Variants in EPHA6 observed in about 807,000 individuals in gnomAD.
EPHA6 encodes the protein ephrin type-A receptor 6.
Under a neutral mutation model 112.0 loss-of-function variants are expected in EPHA6, and 50 were observed. The ratio of observed to expected loss-of-function variants is 0.45; its 90% CI spans 0.36 to 0.56. EPHA6 has a LOEUF of 0.56. EPHA6 is among the 20% of genes least tolerant of loss of function. The probability of loss-of-function intolerance (pLI) is 0.00; values close to 1 mark genes in which losing one functional copy is unlikely to be tolerated. For missense variants in EPHA6, 1,280 were observed against 1,417.4 expected (o/e 0.90, Z 1.56); for synonymous variants, 529 against 490.7 (o/e 1.08, Z -1.03).
At chr3:97,538,727 A>C (rs2092796663) in intron 11 of EPHA6, among the ~76,000 whole-genome samples, 1 of 152,222 alleles carries the variant, frequency 6.6e-6, no homozygotes, top group Non-Finnish European at 1.5e-5. Context: ...AAACCAACTT[A>C]GATGGATTGA....
At chr3:97,412,325 A>G (rs542461088) in intron 6 of EPHA6, among the ~76,000 whole-genome samples, 1 of 152,116 alleles carries the variant, frequency 6.6e-6, no homozygotes, top group South Asian at 2.1e-4. Context: ...AAATTGCTAT[A>G]TTTCAGTCAG....
Position 97,755,967 on chromosome 3 carries a change from C to T in EPHA6, c.*7266C>T, listed in dbSNP as rs2036015601. 6.6e-6 allele frequency among the ~76,000 whole-genome samples: 1 copy of T among 152,038 alleles called. No individual in the cohort carries two copies. Among genetic ancestry groups the T allele is most frequent in the African/African-American group, 2.4e-5 (1 of 41,446 alleles). ...TTCCACTGCTTTTATAATTAAAAAT[C>T]TCTTTCCTACCTTTAGTAATTTGTA... On this transcript the variant is annotated 3_prime_UTR_variant, in exon 18 of 18. Transcript: ENST00000389672.
chr3:97,321,458 G>T (rs1302051252), intron 5 of EPHA6, among the ~76,000 whole-genome samples: 1 of 151,892 alleles, frequency 6.6e-6, no homozygotes, highest in East Asian at 1.9e-4. Context: ...GATATTTTCA[G>T]AAATCAATAT....
intron 5 of EPHA6, among the ~76,000 whole-genome samples, chr3:97,387,981 C>T (rs1014256982): frequency 6.6e-6 from 1 of 152,104 alleles, no homozygotes; most frequent in Non-Finnish European, 1.5e-5. Flanking sequence ...GGGGGAAGTG[C>T]TATACACTGT....
intron 3 of EPHA6, among the ~76,000 whole-genome samples, chr3:97,038,943 G>A (rs571223402): frequency 6.6e-6 from 1 of 152,160 alleles, no homozygotes; most frequent in East Asian, 1.9e-4. Flanking sequence ...TTGACTCTCA[G>A]ATATTTCTGG....
chr3:96,927,591 G>A (rs898454975), intron 2 of EPHA6, among the ~76,000 whole-genome samples: 3 of 152,162 alleles, frequency 2.0e-5, no homozygotes, highest in Non-Finnish European at 4.4e-5. Flanking sequence ...CATAGTAAGA[G>A]TGACCTTTGC....
chr3:97,543,410 T>C (rs1032832393), intron 11 of EPHA6, among the ~76,000 whole-genome samples: 6 of 152,204 alleles, frequency 3.9e-5, no homozygotes, highest in South Asian at 2.1e-4. Context: ...GCTGTAGATA[T>C]GCAGCATTAT....
At chr3:97,521,244 G>T (rs2092538182) in intron 10 of EPHA6, among the ~76,000 whole-genome samples, 1 of 148,450 alleles carries the variant, frequency 6.7e-6, no homozygotes, top group East Asian at 2.0e-4. Context: ...GTGTTCCTTT[G>T]GAGGTGTCAT....
intron 3 of EPHA6, among the ~76,000 whole-genome samples, chr3:97,185,563 A>G (rs1426357239): frequency 6.6e-6 from 1 of 152,066 alleles, no homozygotes; most frequent in Non-Finnish European, 1.5e-5. Flanking sequence ...TCAGGAAACA[A>G]CAGGTACTGG....
At chr3:97,022,945 T>C (rs149097544) in intron 3 of EPHA6, among the ~76,000 whole-genome samples, 1 of 152,320 alleles carries the variant, frequency 6.6e-6, no homozygotes, top group East Asian at 1.9e-4. Flanking sequence ...CCAAGAGTAG[T>C]TCATATCCTT....
At chr3:96,942,777 G>A (rs1299289587) in intron 2 of EPHA6, among the ~76,000 whole-genome samples, 4 of 152,110 alleles carry the variant, frequency 2.6e-5, no homozygotes, top group African/African-American at 4.8e-5. Context: ...TTGGTTTTAA[G>A]TTCAAGTTTA....
intron 3 of EPHA6, among the ~76,000 whole-genome samples, chr3:96,988,375 G>T (rs2043096146): frequency 6.6e-6 from 1 of 152,122 alleles, no homozygotes; most frequent in Non-Finnish European, 1.5e-5. Context: ...AATATGAATT[G>T]CTGTATCCGC....
rs545453260 is a variant in EPHA6 at position 97,617,082 on chromosome 3, T to C, written c.2574+6228T>C. On this transcript the variant is annotated intron_variant, in intron 13 of 17. Transcript: ENST00000389672. ...GAGCCCATCAGACTAACAGAGAACC[T>C]TTTAGCAGAAACCTTATAAGCCACA... Among the ~76,000 whole-genome samples the C allele has an allele frequency of 8.6e-4, 131 of 152,246 alleles. 1 individual carries two copies. The highest frequency in any genetic ancestry group is 2.6e-3 in the African/African-American group (106 of 41,552).
intron 3 of EPHA6, among the ~76,000 whole-genome samples, chr3:97,054,672 CAAT>C (rs757764547): frequency 2.0e-5 from 3 of 150,608 alleles, no homozygotes; most frequent in African/African-American, 2.4e-5. Context: ...ATATAACAAT[CAAT>C]AATAAGAAAG....
At chr3:97,695,100 AAT>A (rs1378337266) in intron 14 of EPHA6, among the ~76,000 whole-genome samples, 2 of 152,194 alleles carry the variant, frequency 1.3e-5, no homozygotes, top group Non-Finnish European at 2.9e-5. Flanking sequence ...GAATTATGAT[AAT>A]ATGTTATTGT....
At chr3:96,917,596 T>C (rs746282708) in intron 2 of EPHA6, among the ~76,000 whole-genome samples, 2 of 152,002 alleles carry the variant, frequency 1.3e-5, no homozygotes, top group African/African-American at 2.4e-5. Context: ...ACACCACTGC[T>C]ACTACCTACA....
chr3:96,834,265 C>A (rs1487341564), intron 1 of EPHA6, among the ~76,000 whole-genome samples: 1 of 151,934 alleles, frequency 6.6e-6, no homozygotes. Flanking sequence ...AAATGTGATT[C>A]TCAATGCATA....
chr3:97,596,526 C>G (rs2093592158), intron 12 of EPHA6, among the ~76,000 whole-genome samples: 1 of 151,882 alleles, frequency 6.6e-6, no homozygotes, highest in African/African-American at 2.4e-5. Context: ...TTCTCTGTCA[C>G]TTCTCAGCAA....
At chr3:97,623,068 C>A (rs1428968944) in intron 13 of EPHA6, among the ~76,000 whole-genome samples, 1 of 151,688 alleles carries the variant, frequency 6.6e-6, no homozygotes, top group African/African-American at 2.4e-5. Flanking sequence ...TTCTACTCTG[C>A]AGATAGTGTT....
Sources: allele counts gnomAD v4.1 joint callset (sites outside exome capture counted in the v4.1 genomes callset), GRCh38; gene constraint gnomAD v4.1.1; transcripts MANE v1.5; gene names NCBI Gene and HGNC (gene_info 2026-07-23, HGNC 2026-07-21).